Variants in METTL15 observed in about 807,000 individuals in gnomAD.
METTL15 encodes 12S rRNA N(4)-cytidine methyltransferase METTL15.
A neutral mutation model predicts 38.3 loss-of-function variants in METTL15; 34 were observed. The observed-to-expected ratio is 0.89, with a 90% CI of 0.68 to 1.18. The LOEUF (loss-of-function observed/expected upper bound fraction) is 1.18, where lower values mean the gene tolerates loss of function less well. Ranked by LOEUF, METTL15 falls within the 50% of genes most tolerant of loss-of-function variation. The probability of loss-of-function intolerance (pLI) is 0.00; values close to 1 mark genes in which losing one functional copy is unlikely to be tolerated. For missense variants in METTL15, 438 were observed against 498.4 expected (o/e 0.88, Z 1.15); for synonymous variants, 162 against 170.9 (o/e 0.95, Z 0.41).
At chr11:28,115,872 A>G (rs188584672) in intron 3 of METTL15, among the ~76,000 whole-genome samples, 39 of 151,648 alleles carry the variant, frequency 2.6e-4, no homozygotes, top group African/African-American at 9.0e-4. Context: ...ATACACATAT[A>G]TATGTGTGTA....
chr11:28,375,241 G>A (rs1850295119), intron 5 of METTL15, among the ~76,000 whole-genome samples: 1 of 134,824 alleles, frequency 7.4e-6, no homozygotes. Flanking sequence ...AGAAGGAATG[G>A]TACCAGTTCC....
chr11:28,476,464 G>T (rs1851347349), intron 6 of METTL15, among the ~76,000 whole-genome samples: 1 of 152,156 alleles, frequency 6.6e-6, no homozygotes, highest in Non-Finnish European at 1.5e-5. Flanking sequence ...TCTGAGCTTG[G>T]CTGTGAGGTA....
chr11:28,138,592 T>C (rs1236463514), intron 3 of METTL15, among the ~76,000 whole-genome samples: 1 of 152,142 alleles, frequency 6.6e-6, no homozygotes, highest in Non-Finnish European at 1.5e-5. Context: ...AAGAAAGATT[T>C]AAGAAAGAAA....
chr11:28,358,254 T>A (rs1037687719), intron 4 of METTL15, among the ~76,000 whole-genome samples: 5 of 152,180 alleles, frequency 3.3e-5, no homozygotes, highest in Admixed American at 2.0e-4. Flanking sequence ...ACCACAGCCC[T>A]GGCTGACACC....
At chr11:28,239,864 A>G (rs916170569) in intron 4 of METTL15, among the ~76,000 whole-genome samples, 4 of 152,216 alleles carry the variant, frequency 2.6e-5, no homozygotes, top group Non-Finnish European at 5.9e-5. Flanking sequence ...TTGTTATACA[A>G]CATCACCCTT....
intron 6 of METTL15, among the ~76,000 whole-genome samples, chr11:28,304,210 T>A (rs539406057): frequency 6.6e-6 from 1 of 152,282 alleles, no homozygotes; most frequent in African/African-American, 2.4e-5. Context: ...TGTGATAGAT[T>A]GATCACTTCA....
In METTL15 at chr11:28,266,979, G is replaced by A. The variant is rs966624963; in HGVS notation, c.408-23227G>A. Among the ~76,000 whole-genome samples, 10 of 151,954 alleles carry A rather than the reference G, an allele frequency of 6.6e-5. 1 individual carries two copies. The highest frequency in any genetic ancestry group is 2.9e-5 in the Non-Finnish European group (2 of 67,992). On this transcript the variant is annotated intron_variant, in intron 4 of 6. Coordinates refer to ENST00000407364, the MANE Select transcript of METTL15 (RefSeq NM_001113528.2). ...GTTCGAGACCAGCCTGGCCAACATGGTGAAACCCCATCTCTACTAAAAATA... is the reference window on the plus strand; with the variant it reads ...GTTCGAGACCAGCCTGGCCAACATGATGAAACCCCATCTCTACTAAAAATA...
At chr11:28,241,918 T>C (rs1302498185) in intron 4 of METTL15, among the ~76,000 whole-genome samples, 1 of 152,182 alleles carries the variant, frequency 6.6e-6, no homozygotes, top group Non-Finnish European at 1.5e-5. Context: ...TGAATGAACA[T>C]TGGCTTTTAT....
chr11:28,199,986 C>T (rs575620799), intron 3 of METTL15, among the ~76,000 whole-genome samples: 1 of 152,148 alleles, frequency 6.6e-6, no homozygotes, highest in Admixed American at 6.5e-5. Context: ...TCAGGTGATC[C>T]ACCTGCCTCG....
At chr11:28,177,149 CAG>C (rs1825804805) in intron 3 of METTL15, among the ~76,000 whole-genome samples, 1 of 151,846 alleles carries the variant, frequency 6.6e-6, no homozygotes, top group Admixed American at 6.6e-5. Flanking sequence ...TAAACACTGA[CAG>C]TGTGTGAAAG....
intron 5 of METTL15, among the ~76,000 whole-genome samples, chr11:28,406,739 G>C (rs1254570952): frequency 3.3e-5 from 5 of 152,148 alleles, no homozygotes; most frequent in Admixed American, 3.3e-4. Flanking sequence ...GGAGTGGTGA[G>C]AGAGGGCACA....
Position 28,316,958 on chromosome 11 carries a change from CTT to C in METTL15, c.779-13436_779-13435del, listed in dbSNP as rs1565249674. Among the ~76,000 whole-genome samples the C allele has an allele frequency of 2.0e-5, 3 of 152,214 alleles. No homozygotes were observed. The East Asian group carries it at 5.8e-4, about 29-fold the overall frequency. The stretch of plus-strand genomic sequence containing the variant: ...GTAAATTGTGCAGACTCGGGTACGT[CTT>C]TATCAGCAGCGTGAAAATGGACTAA... On this transcript the variant is annotated intron_variant, in intron 6 of 6. Transcript: ENST00000407364.
chr11:28,308,880 A>ATAGGTAGG (rs775350476), intron 6 of METTL15, among the ~76,000 whole-genome samples: 1 of 119,506 alleles, frequency 8.4e-6, no homozygotes. Flanking sequence ...GATTAGATAG[A>ATAGGTAGG]TAGGTAGGTA....
At position 28,430,325 on chromosome 11, in the gene METTL15, G is replaced by C. The variant is rs1342617671; in HGVS notation, c.*424+5961G>C. Among the ~76,000 whole-genome samples the C allele has an allele frequency of 8.8e-5, 9 of 102,166 alleles. No individual in the cohort carries two copies. In the East Asian group the frequency reaches 1.8e-3, roughly 20 times the overall value. 67.0% of individuals were successfully genotyped at this position (102,166 alleles called of 152,430 possible). A position where few individuals can be genotyped will look rare whatever the true frequency, so the allele number is the denominator to read the frequency against. On this transcript the variant is annotated intron_variant and NMD_transcript_variant, in intron 6 of 7. Coordinates refer to the METTL15 transcript ENST00000532947. ...CAGCCGTGCCATCCGGGAGGGAGGT[G>C]AGGGGGTCAGCCCCCCGCCCGGCCA... is the stretch of plus-strand genomic sequence containing the variant.
chr11:28,416,673 G>C (rs562766325), intron 5 of METTL15, among the ~76,000 whole-genome samples: 1 of 152,262 alleles, frequency 6.6e-6, no homozygotes, highest in South Asian at 2.1e-4. Flanking sequence ...GGCTTCCACA[G>C]ATACTTTGCT....
At chr11:28,460,429 T>A (rs34857148) in intron 6 of METTL15, among the ~76,000 whole-genome samples, 26,914 of 152,024 alleles carry the variant, frequency 0.18, 2,613 homozygotes, top group Non-Finnish European at 0.22. Flanking sequence ...AGCACAGAAC[T>A]GGATGATCTG....
intron 3 of METTL15, among the ~76,000 whole-genome samples, chr11:28,126,570 T>C (rs781134171): frequency 7.2e-5 from 11 of 152,100 alleles, no homozygotes; most frequent in Non-Finnish European, 8.8e-5. Context: ...GTGGCAATGA[T>C]TGGGTGAAGA....
chr11:28,249,928 T>C (rs1208165989), intron 4 of METTL15, among the ~76,000 whole-genome samples: 1 of 151,990 alleles, frequency 6.6e-6, no homozygotes, highest in African/African-American at 2.4e-5. Flanking sequence ...CCTATGTCCA[T>C]GTGTATTCAG....
intron 6 of METTL15, among the ~76,000 whole-genome samples, chr11:28,424,866 G>A (rs573992130): frequency 6.6e-6 from 1 of 152,210 alleles, no homozygotes; most frequent in East Asian, 1.9e-4. Flanking sequence ...TCAACCTGTG[G>A]TACCACTACA....
Sources: allele counts gnomAD v4.1 joint callset (sites outside exome capture counted in the v4.1 genomes callset), GRCh38; gene constraint gnomAD v4.1.1; transcripts MANE v1.5; gene names NCBI Gene and HGNC (gene_info 2026-07-23, HGNC 2026-07-21).